RSAD1: variants seen among roughly 807,000 people sequenced by gnomAD.
The protein encoded by RSAD1 is radical S-adenosyl methionine domain-containing protein 1, mitochondrial.
RSAD1 carries 34 observed loss-of-function variants against 46.2 expected under a neutral mutation model. The observed-to-expected ratio is 0.74, with a 90% CI of 0.56 to 0.98. RSAD1 has a LOEUF of 0.98. Among genes scored for constraint, RSAD1 ranks in the 50% least tolerant of loss-of-function variants. The probability of loss-of-function intolerance (pLI) is 0.00; values close to 1 mark genes in which losing one functional copy is unlikely to be tolerated. For synonymous variants in RSAD1, 260 were observed against 253.5 expected, an observed-to-expected ratio of 1.03 and a Z score of -0.24; for missense variants, 635 against 592.3, an observed-to-expected ratio of 1.07 and a Z score of -0.75.
rs1483656716 is a variant in RSAD1, at chr17:50,483,372, G to C, written c.937G>C (p.Gly313Arg). ...AHGRFMPQGA[G>R]GHTREARIQT... is the part of the protein sequence containing the mutation. ...TGGACGATTTATGCCCCAGGGGGCT[G>C]GAGGCCACACCCGGGAGGCTCGGAT... is the stretch of plus-strand genomic sequence containing the variant. Residue 313 changes from glycine (G) to arginine (R), a missense_variant, in exon 6 of 9, where the codon GGA becomes CGA. Gly to Arg is a moderately radical substitution (Grantham distance 125, BLOSUM62 -2). Coordinates refer to ENST00000258955, the MANE Select transcript of RSAD1 (RefSeq NM_018346.3). 8 of 1,613,908 alleles carry C rather than the reference G, an allele frequency of 5.0e-6. No homozygotes were observed. The African/African-American group carries it at 9.3e-5, about 19-fold the overall frequency.
chr17:50,481,752 T>G (rs2033382155), intron 3 of RSAD1, among the ~76,000 whole-genome samples: 1 of 152,198 alleles, frequency 6.6e-6, no homozygotes, highest in Non-Finnish European at 1.5e-5. Flanking sequence ...AATAAAGACT[T>G]GATTTTGGAG....
chr17:50,479,257 A>C, intron 1 of RSAD1: 1 of 502,824 alleles, frequency 2.0e-6, no homozygotes, highest in South Asian at 4.3e-5. Context: ...TTCAAATTTC[A>C]TAACAATTTT....
At chr17:50,480,243 C>T in intron 3 of RSAD1, 159 bp downstream of exon 3, 1 of 694,292 alleles carries the variant, frequency 1.4e-6, no homozygotes, top group Non-Finnish European at 2.5e-6. Context: ...CCTTAATTGT[C>T]TGCTGCTGTC....
chr17:50,479,338 A>T, intron 1 of RSAD1: 1 of 492,462 alleles, frequency 2.0e-6, no homozygotes, highest in Non-Finnish European at 3.5e-6. Flanking sequence ...GCTCATAGGA[A>T]AATTGTATGA....
In RSAD1 at chr17:50,482,031, A is replaced by T. The variant is rs143783671; in HGVS notation, c.475-60A>T. 4.4e-4 allele frequency: 647 copies of T among 1,472,650 alleles called. 4 individuals are homozygous for T. In the African/African-American group the frequency reaches 7.2e-3, roughly 16 times the overall value. 91.2% of individuals were successfully genotyped at this position (1,472,650 alleles called of 1,614,324 possible). ...CCCTGTATCTGTGTCTACAATGGGG[A>T]GGAGGGTTCTTGTCTCTCTCTGAGC... On this transcript the variant is annotated intron_variant, in intron 3 of 8. Transcript: ENST00000258955.
intron 7 of RSAD1, 132 bp from the exon 8 acceptor site, chr17:50,484,310 C>A: frequency 1.4e-6 from 1 of 727,078 alleles, no homozygotes; most frequent in Non-Finnish European, 2.3e-6. Context: ...TGGCCTGGTT[C>A]TGCTTTCATG....
At position 50,484,523 on chromosome 17, in the gene RSAD1, G is replaced by T. The variant is rs755075966; in HGVS notation, c.1189G>T (p.Gly397Cys). The T allele has an allele frequency of 6.2e-7, 1 of 1,613,396 alleles. No homozygotes were observed. The highest frequency in any genetic ancestry group is 8.5e-7 in the Non-Finnish European group (1 of 1,179,970). Residue 397 changes from glycine to cysteine, a missense_variant, in exon 8 of 9, where the codon GGC (glycine) becomes TGC (cysteine). Coordinates refer to ENST00000258955, the MANE Select transcript of RSAD1 (RefSeq NM_018346.3). ...GGAGGTGCAGGAGCTGCTGGAGCGG[G>T]GCCTACTGCAGCTGGATCACAGGTG... Reference protein sequence around the residue: ...NKEVQELLERGLLQLDHRGLR... With the variant: ...NKEVQELLERCLLQLDHRGLR...
At chr17:50,479,209 C>G in intron 1 of RSAD1, 190 bp downstream of exon 1, 1 of 575,946 alleles carries the variant, frequency 1.7e-6, no homozygotes, top group Non-Finnish European at 2.7e-6. Context: ...AACCTGAAGT[C>G]TCTGCTACTC....
chr17:50,479,299 A>G, intron 1 of RSAD1: 1 of 475,386 alleles, frequency 2.1e-6, no homozygotes, highest in South Asian at 3.9e-5. Flanking sequence ...TCTTAAGAGC[A>G]GTGTTCTGAC....
rs969061067 is a variant in RSAD1, at chr17:50,478,920, G to A, written c.36G>A (p.Ala12=). 1 of 1,339,106 alleles carries A rather than the reference G, an allele frequency of 7.5e-7. No individual in the cohort carries two copies. Among genetic ancestry groups the A allele is most frequent in the South Asian group, 2.0e-5 (1 of 49,854 alleles). 83.0% of individuals were successfully genotyped at this position (1,339,106 alleles called of 1,614,324 possible). Residue 12 remains alanine (A), a synonymous_variant, in exon 1 of 9, where the codon GCG becomes GCA. Transcript: ENST00000258955. ...ALPGARARGW[A]AAARAAQRRR... ...CCGGAGCCCGGGCTCGCGGCTGGGCGGCAGCAGCCAGAGCGGCCCAGAGGC... is the reference window on the plus strand; with the variant it reads ...CCGGAGCCCGGGCTCGCGGCTGGGCAGCAGCAGCCAGAGCGGCCCAGAGGC...
chr17:50,483,260 C>T (rs2033406566), intron 5 of RSAD1, 80 bp from the exon 6 acceptor site: 14 of 1,440,630 alleles, frequency 9.7e-6, no homozygotes, highest in Admixed American at 2.4e-5. Context: ...GGCAGTTGCT[C>T]CAGGGACCAC....
In RSAD1 at chr17:50,485,703, T is replaced by G. The variant is rs1484336917; in HGVS notation, c.*842T>G. 3 of 152,246 alleles carry G rather than the reference T, an allele frequency of 2.0e-5. No homozygotes were observed. The East Asian group carries it at 5.8e-4, about 29-fold the overall frequency. The allele number at this position is 152,246 out of a possible 1,614,324, so 9.4% of individuals were successfully genotyped here. A position where few individuals can be genotyped will look rare whatever the true frequency, so the allele number is the denominator to read the frequency against. On this transcript the variant is annotated 3_prime_UTR_variant, in exon 9 of 9. Coordinates refer to ENST00000258955, the MANE Select transcript of RSAD1 (RefSeq NM_018346.3). ...CAGCGGCCTGCTGGACTCTGAGAAC[T>G]GGGAAAGATCAGAGCAAGCCTTGCC...
At chr17:50,480,995 C>T (rs2033374864) in intron 3 of RSAD1, among the ~76,000 whole-genome samples, 1 of 152,190 alleles carries the variant, frequency 6.6e-6, no homozygotes, top group African/African-American at 2.4e-5. Flanking sequence ...CAGTGTTATA[C>T]AGCCAATCTG....
At position 50,482,462 on chromosome 17, in the gene RSAD1, T is replaced by G. The variant is rs1337051998; in HGVS notation, c.840+6T>G. The G allele has an allele frequency of 2.5e-6, 4 of 1,594,738 alleles. No homozygotes were observed. Among genetic ancestry groups the G allele is most frequent in the Non-Finnish European group, 3.4e-6 (4 of 1,173,798 alleles). On this transcript the variant is annotated splice_donor_region_variant and intron_variant, in intron 4 of 8. Coordinates refer to ENST00000258955, the MANE Select transcript of RSAD1 (RefSeq NM_018346.3). The stretch of plus-strand genomic sequence containing the variant: ...TCTCCAACTTTGCCCGGAATGTAAG[T>G]TCTGGGGCTGATGGCTGGAGGTGGA...
chr17:50,479,904 G>C lies in RSAD1; in HGVS notation c.294G>C (p.Gly98=), dbSNP rs747577321. The C allele has an allele frequency of 5.6e-6, 9 of 1,613,730 alleles. No individual in the cohort carries two copies. In the East Asian group the frequency reaches 2.0e-4, roughly 36 times the overall value. Residue 98 remains glycine, a synonymous_variant, in exon 3 of 9, where the codon GGG becomes GGC. Transcript: ENST00000258955. ...GGGTGGAGTCTGTGTTCTTTGGTGG[G>C]GGGACCCCCAGTCTAGCCAGTCCCC... ...VQRVESVFFG[G]GTPSLASPHT... is the part of the protein sequence containing the mutation.
chr17:50,483,827 G>GC, intron 7 of RSAD1, 67 bp downstream of exon 7: 2 of 1,432,964 alleles, frequency 1.4e-6, no homozygotes, highest in South Asian at 2.6e-5. Context: ...CCCCCTCCCT[G>GC]CCACCCCCCC....
chr17:50,482,605 G>A (rs1256304027), intron 4 of RSAD1, 38 bp from the exon 5 acceptor site: 2 of 1,613,570 alleles, frequency 1.2e-6, no homozygotes, highest in East Asian at 2.2e-5. Context: ...AATGAGGCCT[G>A]CCCTCTTCAC....
In RSAD1 at chr17:50,482,267, C is replaced by G; in HGVS notation, c.651C>G (p.His217Gln). 1 of 1,589,980 alleles carries G rather than the reference C, an allele frequency of 6.3e-7. No homozygotes were observed. The highest frequency in any genetic ancestry group is 8.6e-7 in the Non-Finnish European group (1 of 1,165,390). Residue 217 changes from histidine to glutamine, a missense_variant, in exon 4 of 9, where the codon CAC (histidine) becomes CAG (glutamine). By Grantham distance (24) the His-to-Gln change is conservative. Coordinates refer to ENST00000258955, the MANE Select transcript of RSAD1 (RefSeq NM_018346.3). ...PWLGQLQELL[H>Q]HCDDHLSLYQ... The stretch of plus-strand genomic sequence containing the variant: ...TTGGGCAGCTGCAGGAACTGCTGCA[C>G]CACTGTGATGACCACCTCTCCCTCT...
intron 4 of RSAD1, 49 bp downstream of exon 4, chr17:50,482,505 T>C (rs1162918327): frequency 6.2e-7 from 1 of 1,606,494 alleles, no homozygotes; most frequent in African/African-American, 1.3e-5. Flanking sequence ...CAGACTGCAG[T>C]GTGACCAGGG....
Sources: allele counts gnomAD v4.1 joint callset (sites outside exome capture counted in the v4.1 genomes callset), GRCh38; gene constraint gnomAD v4.1.1; transcripts MANE v1.5; gene names NCBI Gene and HGNC (gene_info 2026-07-23, HGNC 2026-07-21).